The following TP63 variants were observed in gnomAD, a reference collection of about 807,000 sequenced individuals.
The protein encoded by TP63 is tumor protein p63.
A neutral mutation model predicts 82.8 loss-of-function variants in TP63; 17 were observed. The observed-to-expected ratio is 0.21, with a 90% confidence interval of 0.14 to 0.31. The LOEUF is 0.31. TP63 is among the 10% of genes least tolerant of loss of function. The pLI is 1.00. For missense variants in TP63, 648 were observed against 895.3 expected (o/e 0.72, Z 3.52); for synonymous variants, 330 against 321.7 (o/e 1.03, Z -0.28).
intron 3 of TP63, among the ~76,000 whole-genome samples, chr3:189,784,561 T>C (rs1724458289): frequency 6.6e-6 from 1 of 152,138 alleles, no homozygotes; most frequent in Non-Finnish European, 1.5e-5. Flanking sequence ...TAAAGTGCTT[T>C]GAGTACCTTA....
intron 1 of TP63, among the ~76,000 whole-genome samples, chr3:189,722,188 G>A (rs1719441500): frequency 6.6e-6 from 1 of 152,166 alleles, no homozygotes; most frequent in Non-Finnish European, 1.5e-5. Context: ...AACAAAGACA[G>A]CAGGGCTTGG....
chr3:189,603,426 T>C, the TP63 span, among the ~76,000 whole-genome samples: 17 of 152,154 alleles, frequency 1.1e-4, no homozygotes, highest in East Asian at 2.9e-3. Flanking sequence ...ATTTCCTTCA[T>C]AGTAGTTATA....
rs116612109 is a variant in TP63, at chr3:189,729,560, T to C, written c.63-8180T>C. On this transcript the variant is annotated intron_variant, in intron 1 of 13. Transcript: ENST00000264731. ...TAAAAATAAATTCCTTGATAAGAATTTTTGTTCAAATTGTGGCAAATTGAG... is the reference window on the plus strand; with the variant it reads ...TAAAAATAAATTCCTTGATAAGAATCTTTGTTCAAATTGTGGCAAATTGAG... Among the ~76,000 whole-genome samples the C allele has an allele frequency of 5.9e-3, 903 of 152,314 alleles. 6 individuals are homozygous for C. Among genetic ancestry groups the C allele is most frequent in the African/African-American group, 0.02 (811 of 41,562 alleles).
chr3:189,734,971 T>C (rs1720468633), intron 1 of TP63, among the ~76,000 whole-genome samples: 2 of 152,124 alleles, frequency 1.3e-5, no homozygotes. Context: ...AAAACATTTC[T>C]TTTGCACACC....
At chr3:189,668,159 G>A (rs1054798554) in intron 1 of TP63, among the ~76,000 whole-genome samples, 6 of 151,788 alleles carry the variant, frequency 4.0e-5, no homozygotes, top group East Asian at 3.9e-4. Context: ...AAAACTAAGC[G>A]AATACAAGTT....
At chr3:189,755,813 G>A (rs1252990835) in intron 3 of TP63, among the ~76,000 whole-genome samples, 1 of 152,124 alleles carries the variant, frequency 6.6e-6, no homozygotes, top group East Asian at 1.9e-4. Flanking sequence ...GGATGATACA[G>A]TCTCCTCTTT....
chr3:189,808,078 G>A (rs1253710047), intron 3 of TP63, among the ~76,000 whole-genome samples, 194 bp from the exon 4 acceptor site: 1 of 152,148 alleles, frequency 6.6e-6, no homozygotes, highest in East Asian at 1.9e-4. Context: ...TGGAAAAGCC[G>A]TTACAAACAC....
intron 3 of TP63, among the ~76,000 whole-genome samples, chr3:189,795,540 T>C (rs1268645597): frequency 4.6e-5 from 7 of 151,944 alleles, no homozygotes; most frequent in African/African-American, 1.7e-4. Context: ...AGACATTCTA[T>C]GTAGAGGGGA....
intron 10 of TP63, among the ~76,000 whole-genome samples, chr3:189,884,258 CTT>C (rs1028512756): frequency 4.1e-4 from 62 of 152,342 alleles, no homozygotes; most frequent in African/African-American, 1.4e-3. Context: ...TGTGCTGACT[CTT>C]TGAAAAGGTT....
intron 1 of TP63, among the ~76,000 whole-genome samples, chr3:189,682,551 A>ATATAT (rs1235058586): frequency 3.2e-5 from 1 of 30,878 alleles, no homozygotes; most frequent in African/African-American, 2.0e-4. Flanking sequence ...AAAAAAAAAA[A>ATATAT]AAATATATAT....
intron 5 of TP63, 116 bp downstream of exon 5, chr3:189,864,534 A>T: frequency 3.2e-6 from 2 of 620,176 alleles, no homozygotes; most frequent in Non-Finnish European, 4.9e-6. Context: ...ATGGCAGATC[A>T]GTCTGCCTTT....
At chr3:189,609,459 T>TG in the TP63 span, among the ~76,000 whole-genome samples, 1 of 152,076 alleles carries the variant, frequency 6.6e-6, no homozygotes, top group Non-Finnish European at 1.5e-5. Context: ...ACACATGTCA[T>TG]GGGGGGTTGT....
intron 1 of TP63, among the ~76,000 whole-genome samples, chr3:189,695,896 A>C (rs1213140577): frequency 1.3e-5 from 2 of 152,136 alleles, no homozygotes; most frequent in African/African-American, 4.8e-5. Context: ...TTTTACGTTA[A>C]ATTTTATAGA....
At chr3:189,640,022 TTTTC>T (rs777869229) in intron 1 of TP63, among the ~76,000 whole-genome samples, 48 of 152,226 alleles carry the variant, frequency 3.2e-4, no homozygotes, top group African/African-American at 6.5e-4. Flanking sequence ...CATCATTAGC[TTTTC>T]TTTCTTCTTT....
intron 1 of TP63, among the ~76,000 whole-genome samples, chr3:189,665,019 A>G (rs1231829962): frequency 1.3e-5 from 2 of 152,186 alleles, no homozygotes; most frequent in Non-Finnish European, 1.5e-5. Flanking sequence ...ATAACTAAGT[A>G]AAAATATTAG....
At chr3:189,686,738 T>G (rs1406547597) in intron 1 of TP63, among the ~76,000 whole-genome samples, 1 of 149,420 alleles carries the variant, frequency 6.7e-6, no homozygotes, top group African/African-American at 2.4e-5. Flanking sequence ...AGGGTTTTTT[T>G]TTTTTTTTTT....
rs1718236741 is a variant in TP63 at position 189,870,112 on chromosome 3, G to A, written c.1212+706G>A. The stretch of plus-strand genomic sequence containing the variant: ...ATGATAAGATTATCCTAGGCAGCAT[G>A]GCCATAGAAATTTAGGCCGAAAATG... On this transcript the variant is annotated intron_variant, in intron 9 of 13. Coordinates refer to ENST00000264731, the MANE Select transcript of TP63 (RefSeq NM_003722.5). Among the ~76,000 whole-genome samples, 3 of 152,020 alleles carry A rather than the reference G, an allele frequency of 2.0e-5. No homozygotes were observed. In the South Asian group the frequency reaches 6.2e-4, roughly 32 times the overall value.
rs71861936 is a variant in TP63 at position 189,846,611 on chromosome 3, G to GGTGTGT, written c.580-17592_580-17587dup. Among the ~76,000 whole-genome samples, 293 of 141,252 alleles carry GGTGTGT rather than the reference G, an allele frequency of 2.1e-3. 1 individual carries two copies. The highest frequency in any genetic ancestry group is 3.6e-3 in the South Asian group (16 of 4,470). 92.7% of individuals were successfully genotyped at this position (141,252 alleles called of 152,430 possible). On this transcript the variant is annotated intron_variant, in intron 4 of 13. Transcript: ENST00000264731. The stretch of plus-strand genomic sequence containing the variant: ...ATATATGATCAGAAATGGCCAGTAG[G>GGTGTGT]GTGTGTGTGTGTGTGTGTGTGTGTG...
chr3:189,778,355 A>C (rs1419491800), intron 3 of TP63, among the ~76,000 whole-genome samples: 1 of 152,216 alleles, frequency 6.6e-6, no homozygotes, highest in East Asian at 1.9e-4. Flanking sequence ...GTATCAATAA[A>C]ATCAAATCAA....
Sources: allele counts gnomAD v4.1 joint callset (sites outside exome capture counted in the v4.1 genomes callset), GRCh38; gene constraint gnomAD v4.1.1; transcripts MANE v1.5; gene names NCBI Gene and HGNC (gene_info 2026-07-23, HGNC 2026-07-21).